The following TMEM263 variants were observed in gnomAD, a reference collection of about 807,000 sequenced individuals.
TMEM263 encodes transmembrane protein 263, also known as UPF0444 transmembrane protein C12orf23.
TMEM263 carries 5 observed loss-of-function variants against 8.6 expected under a neutral mutation model. The ratio of observed to expected loss-of-function variants is 0.58; its 90% confidence interval spans 0.31 to 1.23. The LOEUF (loss-of-function observed/expected upper bound fraction) is 1.23, where lower values mean the gene tolerates loss of function less well. Among genes scored for constraint, TMEM263 ranks in the 50% most tolerant of loss-of-function variants. TMEM263 has a pLI of 0.07. For synonymous variants in TMEM263, 50 were observed against 47.9 expected (o/e 1.04, Z -0.18); for missense variants, 104 against 138.8 (o/e 0.75, Z 1.26).
At chr12:106,960,039 A>G (rs562815595) in intron 2 of TMEM263, among the ~76,000 whole-genome samples, 1 of 152,108 alleles carries the variant, frequency 6.6e-6, no homozygotes, top group East Asian at 1.9e-4. Context: ...AAACAAAACT[A>G]ATCTTTTTTT....
At chr12:106,963,901 T>C (rs1314056550) in intron 2 of TMEM263, among the ~76,000 whole-genome samples, 1 of 152,204 alleles carries the variant, frequency 6.6e-6, no homozygotes, top group Non-Finnish European at 1.5e-5. Flanking sequence ...TTGAAATATA[T>C]GCGGTTACAG....
Position 106,972,718 on chromosome 12 carries a change from C to T in TMEM263, c.*1327C>T, listed in dbSNP as rs999640433. On this transcript the variant is annotated 3_prime_UTR_variant, in exon 4 of 4. Transcript: ENST00000280756. ...ATTTAGCTGGAATTCATTTTCTTTT[C>T]GTTTCATGTTTAATTTCATAAAACG... is the stretch of plus-strand genomic sequence containing the variant. The T allele has an allele frequency of 3.3e-5, 5 of 152,018 alleles. No homozygotes were observed. Among genetic ancestry groups the T allele is most frequent in the Admixed American group, 1.3e-4 (2 of 15,268 alleles). 9.4% of individuals were successfully genotyped at this position (152,018 alleles called of 1,614,324 possible). A position where few individuals can be genotyped will look rare whatever the true frequency, so the allele number is the denominator to read the frequency against.
chr12:106,968,450 C>T (rs1483234627), intron 3 of TMEM263, among the ~76,000 whole-genome samples: 1 of 151,720 alleles, frequency 6.6e-6, no homozygotes, highest in Non-Finnish European at 1.5e-5. Context: ...ATTACTAACT[C>T]AGGTCTTTTC....
At position 106,955,937 on chromosome 12, in the gene TMEM263, C is replaced by T. The variant is rs933243927; in HGVS notation, c.-203C>T. The T allele has an allele frequency of 2.0e-6, 2 of 985,820 alleles. No homozygotes were observed. Among genetic ancestry groups the T allele is most frequent in the Non-Finnish European group, 2.4e-6 (2 of 830,304 alleles). The allele number at this position is 985,820 out of a possible 1,614,324, so 61.1% of individuals were successfully genotyped here. Reference sequence around the variant, plus strand: ...CTTCCAGCTCCACATCCTGAGAGGACGCCTCTGGAGCCGCGACTGCCCGGG... The same window carrying T: ...CTTCCAGCTCCACATCCTGAGAGGATGCCTCTGGAGCCGCGACTGCCCGGG... On this transcript the variant is annotated 5_prime_UTR_variant, in exon 1 of 4. The change creates a new upstream start codon in the 5' untranslated region. Transcript: ENST00000280756.
Position 106,971,611 on chromosome 12 carries a change from T to A in TMEM263, c.*220T>A. The A allele has an allele frequency of 4.5e-6, 2 of 447,658 alleles. No individual in the cohort carries two copies. The allele number at this position is 447,658 out of a possible 1,614,324, so 27.7% of individuals were successfully genotyped here. ...AGTTCCAGGTTTTTATCTGGTAAAA[T>A]GTTACACTTACTCGGTTGTAACTGA... On this transcript the variant is annotated 3_prime_UTR_variant, in exon 4 of 4. Coordinates refer to ENST00000280756, the MANE Select transcript of TMEM263 (RefSeq NM_152261.4).
At chr12:106,959,954 C>G (rs1174977625) in intron 2 of TMEM263, among the ~76,000 whole-genome samples, 3 of 152,104 alleles carry the variant, frequency 2.0e-5, no homozygotes, top group African/African-American at 7.2e-5. Flanking sequence ...ATTTTTATTA[C>G]TCTAAGAGTT....
Position 106,971,367 on chromosome 12 carries a change from A to G in TMEM263, c.327A>G (p.Gly109=). Residue 109 remains glycine (G), a synonymous_variant, in exon 4 of 4, where the codon GGA becomes GGG. Coordinates refer to ENST00000280756, the MANE Select transcript of TMEM263 (RefSeq NM_152261.4). ...SAVVNKVPLT[G]KKKDKSD ...TTGTAAACAAAGTGCCCTTAACAGG[A>G]AAGAAGAAAGACAAATCTGACTGAA... 1.2e-6 allele frequency: 2 copies of G among 1,610,182 alleles called. No individual in the cohort carries two copies. The highest frequency in any genetic ancestry group is 1.7e-6 in the Non-Finnish European group (2 of 1,177,552).
chr12:106,966,109 T>C (rs551731396), intron 2 of TMEM263, among the ~76,000 whole-genome samples: 1 of 152,180 alleles, frequency 6.6e-6, no homozygotes, highest in South Asian at 2.1e-4. Flanking sequence ...TAGTACTCAA[T>C]AGATAGTTTT....
chr12:106,969,449 G>A (rs772125654), intron 3 of TMEM263, among the ~76,000 whole-genome samples: 12 of 152,142 alleles, frequency 7.9e-5, no homozygotes, highest in Non-Finnish European at 1.5e-4. Context: ...TTACTAGGCC[G>A]GGCGCAGTGG....
chr12:106,967,005 G>C, intron 2 of TMEM263, 106 bp from the exon 3 acceptor site: 1 of 715,794 alleles, frequency 1.4e-6, no homozygotes, highest in Non-Finnish European at 2.4e-6. Flanking sequence ...GGTACAAAAT[G>C]TTGTTTATCT....
chr12:106,966,924 A>G, intron 2 of TMEM263, 187 bp from the exon 3 acceptor site: 1 of 529,028 alleles, frequency 1.9e-6, no homozygotes, highest in Non-Finnish European at 3.3e-6. Context: ...CTACTGGTAT[A>G]ATTTAAAGTA....
At chr12:106,963,599 C>T (rs1951806876) in intron 2 of TMEM263, among the ~76,000 whole-genome samples, 1 of 152,140 alleles carries the variant, frequency 6.6e-6, no homozygotes, top group African/African-American at 2.4e-5. Flanking sequence ...ATCTCTCTGT[C>T]CTTCCATCTC....
At position 106,973,664 on chromosome 12, in the gene TMEM263, G is replaced by C. The variant is rs182550173; in HGVS notation, c.*2273G>C. 1.4e-4 allele frequency: 21 copies of C among 152,548 alleles called. No homozygotes were observed. The highest frequency in any genetic ancestry group is 1.8e-4 in the Non-Finnish European group (12 of 68,014). The allele number at this position is 152,548 out of a possible 1,614,324, so 9.4% of individuals were successfully genotyped here. A position where few individuals can be genotyped will look rare whatever the true frequency, so the allele number is the denominator to read the frequency against. Reference sequence around the variant, plus strand: ...TACCATCTGATGATATGTATGTACAGCTGTGTACTTGAGTCTTTTTTAGTT... The same window carrying C: ...TACCATCTGATGATATGTATGTACACCTGTGTACTTGAGTCTTTTTTAGTT... On this transcript the variant is annotated 3_prime_UTR_variant, in exon 4 of 4. Coordinates refer to ENST00000280756, the MANE Select transcript of TMEM263 (RefSeq NM_152261.4).
chr12:106,970,847 T>G (rs1159458560), intron 3 of TMEM263, among the ~76,000 whole-genome samples: 3 of 152,262 alleles, frequency 2.0e-5, no homozygotes, highest in Non-Finnish European at 4.4e-5. Context: ...AATAGGATTC[T>G]GTTTTACAAA....
At chr12:106,970,327 A>T (rs185483799) in intron 3 of TMEM263, among the ~76,000 whole-genome samples, 469 of 152,318 alleles carry the variant, frequency 3.1e-3, no homozygotes, top group African/African-American at 0.011. Context: ...TGAATATTTT[A>T]TGCATTAAAA....
intron 2 of TMEM263, among the ~76,000 whole-genome samples, chr12:106,964,867 C>A (rs974745185): frequency 6.6e-6 from 1 of 152,216 alleles, no homozygotes; most frequent in Admixed American, 6.5e-5. Context: ...CTCATCCAAG[C>A]CACCAACATT....
chr12:106,957,875 G>C (rs985802042), intron 2 of TMEM263, among the ~76,000 whole-genome samples: 4 of 152,144 alleles, frequency 2.6e-5, no homozygotes, highest in African/African-American at 9.7e-5. Flanking sequence ...TAATGGGCAG[G>C]GGCCATCTTT....
intron 2 of TMEM263, among the ~76,000 whole-genome samples, chr12:106,959,580 T>A (rs1486310268): frequency 6.6e-6 from 1 of 152,214 alleles, no homozygotes; most frequent in African/African-American, 2.4e-5. Context: ...ACTCTAAAAT[T>A]TTATTAGTAG....
In TMEM263 at chr12:106,973,600, ATG is replaced by A. The variant is rs1018794766; in HGVS notation, c.*2211_*2212del. On this transcript the variant is annotated 3_prime_UTR_variant, in exon 4 of 4. Coordinates refer to ENST00000280756, the MANE Select transcript of TMEM263 (RefSeq NM_152261.4). The stretch of plus-strand genomic sequence containing the variant: ...GCAATGATAGCAGAAAACTGTACAA[ATG>A]TACAGTTAGTTATAGAGGTTCTTGT... 33 of 152,412 alleles carry A rather than the reference ATG, an allele frequency of 2.2e-4. 1 individual carries two copies. Among genetic ancestry groups the A allele is most frequent in the Admixed American group, 1.9e-3 (29 of 15,278 alleles). The allele number at this position is 152,412 out of a possible 1,614,324, so 9.4% of individuals were successfully genotyped here.
Sources: allele counts gnomAD v4.1 joint callset (sites outside exome capture counted in the v4.1 genomes callset), GRCh38; gene constraint gnomAD v4.1.1; transcripts MANE v1.5; gene names NCBI Gene and HGNC (gene_info 2026-07-23, HGNC 2026-07-21).